The following CDADC1 variants were observed in gnomAD, a reference collection of about 807,000 sequenced individuals.
The protein encoded by CDADC1 is dCTP deaminase.
A neutral mutation model predicts 54.9 loss-of-function variants in CDADC1; 39 were observed. That is an observed-to-expected ratio of 0.71 (90% CI 0.55 to 0.93). The LOEUF (loss-of-function observed/expected upper bound fraction) is 0.93, where lower values mean the gene tolerates loss of function less well. Among genes scored for constraint, CDADC1 ranks in the 40% least tolerant of loss-of-function variants. The pLI, the probability that CDADC1 is intolerant of heterozygous loss-of-function variation, is 0.00. For missense variants in CDADC1, 518 were observed against 618.8 expected (o/e 0.84, Z 1.73); for synonymous variants, 186 against 204.0 (o/e 0.91, Z 0.75).
At chr13:49,267,430 T>C (rs1952840941) in intron 4 of CDADC1, 60 bp from the exon 5 acceptor site, 3 of 1,363,734 alleles carry the variant, frequency 2.2e-6, no homozygotes, top group Non-Finnish European at 3.0e-6. Flanking sequence ...GTGGATTTTA[T>C]AATGAAAACC....
In CDADC1 at chr13:49,291,816, C is replaced by T; in HGVS notation, c.*59C>T. ...AACTTTTCATTGCACTTCTAAAATT[C>T]AGCCTTGTTCATTCAGAAAATAAGG... On this transcript the variant is annotated 3_prime_UTR_variant, in exon 10 of 10. Coordinates refer to ENST00000251108, the MANE Select transcript of CDADC1 (RefSeq NM_030911.4). 6.4e-7 allele frequency: 1 copy of T among 1,561,364 alleles called. No individual in the cohort carries two copies. Among genetic ancestry groups the T allele is most frequent in the South Asian group, 1.2e-5 (1 of 83,740 alleles).
chr13:49,264,106 T>C (rs1317345538), intron 4 of CDADC1, among the ~76,000 whole-genome samples: 2 of 152,230 alleles, frequency 1.3e-5, no homozygotes, highest in Admixed American at 1.3e-4. Context: ...ACCCTGTGGT[T>C]CCCTAGTCAA....
intron 8 of CDADC1, among the ~76,000 whole-genome samples, chr13:49,285,823 T>C (rs904122988): frequency 2.0e-5 from 3 of 151,890 alleles, no homozygotes; most frequent in African/African-American, 7.3e-5. Flanking sequence ...TTAATTTTTT[T>C]TTTTTTTCAA....
intron 6 of CDADC1, among the ~76,000 whole-genome samples, chr13:49,275,720 TATATATAGAGAGAGAGAGAGAG>T (rs1566370020): frequency 2.7e-4 from 7 of 26,152 alleles, no homozygotes; most frequent in East Asian, 1.7e-3. Context: ...TATATATATA[TATATATAGAGAGAGAGAGAGAG>T]AGAGAGAGAG....
Position 49,293,361 on chromosome 13 carries a change from G to A in CDADC1, c.*1604G>A, listed in dbSNP as rs1953763597. Reference sequence around the variant, plus strand: ...ATCAGAGGAAGAAGCATACAAGTGGGAAAAACTGTGATTAGAAAGGGAAAA... The same window carrying A: ...ATCAGAGGAAGAAGCATACAAGTGGAAAAAACTGTGATTAGAAAGGGAAAA... On this transcript the variant is annotated 3_prime_UTR_variant, in exon 10 of 10. Transcript: ENST00000251108. The A allele has an allele frequency of 6.6e-6, 1 of 152,214 alleles. No individual in the cohort carries two copies. The highest frequency in any genetic ancestry group is 2.4e-5 in the African/African-American group (1 of 41,448). 9.4% of individuals were successfully genotyped at this position (152,214 alleles called of 1,614,324 possible). A position where few individuals can be genotyped will look rare whatever the true frequency, so the allele number is the denominator to read the frequency against.
chr13:49,261,618 T>A (rs1165401525), intron 4 of CDADC1, among the ~76,000 whole-genome samples: 1 of 152,228 alleles, frequency 6.6e-6, no homozygotes, highest in African/African-American at 2.4e-5. Context: ...TTAGGCAAGG[T>A]CCAAATAGGG....
intron 9 of CDADC1, among the ~76,000 whole-genome samples, chr13:49,288,436 G>C: frequency 6.6e-6 from 1 of 152,158 alleles, no homozygotes; most frequent in East Asian, 1.9e-4. Flanking sequence ...TGAGAAAGAA[G>C]TCTCATGCCT....
At chr13:49,275,722 TATATAGAGAGAGAGAGAGAGAG>T (rs1566370070) in intron 6 of CDADC1, among the ~76,000 whole-genome samples, 15 of 19,228 alleles carry the variant, frequency 7.8e-4, no homozygotes, top group Middle Eastern at 0.031. Context: ...TATATATATA[TATATAGAGAGAGAGAGAGAGAG>T]AGAGAGAGAG....
intron 4 of CDADC1, among the ~76,000 whole-genome samples, chr13:49,263,674 C>T (rs1257360720): frequency 6.6e-6 from 1 of 152,084 alleles, no homozygotes; most frequent in East Asian, 1.9e-4. Context: ...TCGTATACTT[C>T]AATGAAAACA....
chr13:49,259,516 T>C lies in CDADC1; in HGVS notation c.423T>C (p.Ile141=). 6.2e-7 allele frequency: 1 copy of C among 1,613,780 alleles called. No individual in the cohort carries two copies. Among genetic ancestry groups the C allele is most frequent in the Non-Finnish European group, 8.5e-7 (1 of 1,179,772 alleles). The change falls in exon 4 of 10, where the codon ATT becomes ATC. Residue 141 remains isoleucine (I), a synonymous_variant. Coordinates refer to ENST00000251108, the MANE Select transcript of CDADC1 (RefSeq NM_030911.4). ...RKPCSACLKM[I]VNAGVNRISY... is the part of the protein sequence containing the mutation. ...CATGTTCTGCTTGTTTGAAAATGAT[T>C]GTAAATGGTAAGTGCAGAAAAGGGT... is the stretch of plus-strand genomic sequence containing the variant.
rs138434889 is a variant in CDADC1 at position 49,275,196 on chromosome 13, A to G, written c.1050+856A>G. 2.1e-4 allele frequency among the ~76,000 whole-genome samples: 32 copies of G among 150,198 alleles called. No individual in the cohort carries two copies. In the East Asian group the frequency reaches 6.1e-3, roughly 29 times the overall value. On this transcript the variant is annotated intron_variant, in intron 6 of 9. Transcript: ENST00000251108. ...TGCCTCCTGGATTCAAGTGATTCTC[A>G]TGCCTCAGCCTCTTGAATAGCTGGG...
At chr13:49,278,983 TCA>T (rs1438987999) in intron 7 of CDADC1, among the ~76,000 whole-genome samples, 1 of 152,196 alleles carries the variant, frequency 6.6e-6, no homozygotes, top group Non-Finnish European at 1.5e-5. Context: ...CATTGTAACA[TCA>T]CACGTTACCT....
chr13:49,286,828 C>A (rs1032866234), intron 9 of CDADC1, among the ~76,000 whole-genome samples: 1 of 152,162 alleles, frequency 6.6e-6, no homozygotes, highest in Non-Finnish European at 1.5e-5. Flanking sequence ...GTAATATAAT[C>A]TTTGAGAAGT....
chr13:49,282,060 C>T (rs1953357192), intron 8 of CDADC1, among the ~76,000 whole-genome samples: 1 of 152,030 alleles, frequency 6.6e-6, no homozygotes, highest in Non-Finnish European at 1.5e-5. Context: ...TCAGGTGATA[C>T]ACCGGCCTCG....
intron 2 of CDADC1, among the ~76,000 whole-genome samples, chr13:49,250,887 A>C (rs1952413844): frequency 6.6e-6 from 1 of 151,558 alleles, no homozygotes; most frequent in East Asian, 1.9e-4. Context: ...TCATCCCCCC[A>C]CTCTGGCTCT....
chr13:49,254,399 C>T (rs1039904944), intron 2 of CDADC1, among the ~76,000 whole-genome samples: 8 of 111,388 alleles, frequency 7.2e-5, no homozygotes, highest in African/African-American at 2.3e-4. Flanking sequence ...ATTAACTATC[C>T]CACCCTTTTT....
chr13:49,260,290 CACCTGTATAA>C (rs1952647284), intron 4 of CDADC1, among the ~76,000 whole-genome samples: 1 of 152,154 alleles, frequency 6.6e-6, no homozygotes, highest in Admixed American at 6.5e-5. Context: ...AGATATTTAT[CACCTGTATAA>C]TAGTCCAGCA....
At chr13:49,250,607 G>A in intron 2 of CDADC1, among the ~76,000 whole-genome samples, 1 of 152,218 alleles carries the variant, frequency 6.6e-6, no homozygotes, top group East Asian at 1.9e-4. Flanking sequence ...GTGAAGTTAG[G>A]TAGAGGGAAG....
chr13:49,280,835 T>TATTATTTTA (rs201352692), intron 8 of CDADC1, 137 bp downstream of exon 8: 1 of 137,362 alleles, frequency 7.3e-6, no homozygotes, highest in African/African-American at 4.4e-5. Context: ...TTATTATTAT[T>TATTATTTTA]TTATTATTAT....
Sources: gnomAD v4.1 joint callset for allele counts (sites outside exome capture counted in the v4.1 genomes callset) on GRCh38, gnomAD v4.1.1 for gene constraint, MANE v1.5 for transcripts, NCBI Gene and HGNC (gene_info 2026-07-23, HGNC 2026-07-21) for gene names.